FGD2: variants seen among roughly 807,000 people sequenced by gnomAD.
FGD2 encodes the protein FYVE, RhoGEF and PH domain containing 2.
In FGD2, 52 loss-of-function variants were observed where a neutral mutation model predicts 75.9. That is an observed-to-expected ratio of 0.69 (90% CI 0.55 to 0.86). FGD2 has a LOEUF of 0.86. Ranked by LOEUF, FGD2 falls within the 40% of genes least tolerant of loss-of-function variation. The pLI is 0.00. For missense variants in FGD2, 790 were observed against 872.0 expected, an observed-to-expected ratio of 0.91 and a Z score of 1.18; for synonymous variants, 347 against 348.6, an observed-to-expected ratio of 1.00 and a Z score of 0.05.
At position 37,009,066 on chromosome 6, in the gene FGD2, G is replaced by A. The variant is rs776561904; in HGVS notation, c.300+1G>A. The stretch of plus-strand genomic sequence containing the variant: ...GACCCTCTCAGGATCGGGGACGCAG[G>A]TGCCTGAGGGCTGAGGTAGAGGTGT... On this transcript the variant is annotated splice_donor_variant, in intron 2 of 15. Transcript: ENST00000274963. LOFTEE classifies it high-confidence loss of function. 1.7e-5 allele frequency: 27 copies of A among 1,613,490 alleles called. No homozygotes were observed. In the East Asian group the frequency reaches 5.6e-4, roughly 33 times the overall value.
chr6:37,006,842 C>T (rs1187758309), intron 1 of FGD2, among the ~76,000 whole-genome samples: 2 of 152,126 alleles, frequency 1.3e-5, no homozygotes, highest in East Asian at 1.9e-4. Flanking sequence ...AACTGCAGTG[C>T]ACCTGCCACA....
rs922072440 is a variant in FGD2, at chr6:37,011,130, C to G, written c.378+80C>G. The G allele has an allele frequency of 3.0e-6, 4 of 1,351,632 alleles. No homozygotes were observed. The African/African-American group carries it at 5.8e-5, about 20-fold the overall frequency. 83.7% of individuals were successfully genotyped at this position (1,351,632 alleles called of 1,614,324 possible). A position where few individuals can be genotyped will look rare whatever the true frequency, so the allele number is the denominator to read the frequency against. On this transcript the variant is annotated intron_variant, in intron 3 of 15. Coordinates refer to ENST00000274963, the MANE Select transcript of FGD2 (RefSeq NM_173558.4). ...ACCCCTTCTCAGCCTTCCCACCCTG[C>G]TCACCAGAGCTGAGTCAGGAGCCCT...
chr6:37,028,153 T>A lies in FGD2; in HGVS notation c.1958T>A (p.Leu653Gln). ...CCCAGCTGGCCCAACGATGGGGACCTGTCCGACTGAGCCACTGCCAGCCGC... is the reference window on the plus strand; with the variant it reads ...CCCAGCTGGCCCAACGATGGGGACCAGTCCGACTGAGCCACTGCCAGCCGC... Reference protein sequence around the residue: ...WSPSWPNDGDLSD With the variant: ...WSPSWPNDGDQSD The change falls in exon 16 of 16, where the codon CTG becomes CAG. Residue 653 changes from leucine (L) to glutamine (Q), a missense_variant. By Grantham distance (113) the Leu-to-Gln change is moderately radical. Transcript: ENST00000274963. 1 of 1,584,784 alleles carries A rather than the reference T, an allele frequency of 6.3e-7. No homozygotes were observed. The highest frequency in any genetic ancestry group is 8.6e-7 in the Non-Finnish European group (1 of 1,164,540).
chr6:37,028,361 C>G lies in FGD2; in HGVS notation c.*198C>G, dbSNP rs1765930757. On this transcript the variant is annotated 3_prime_UTR_variant, in exon 16 of 16. Transcript: ENST00000274963. ...CATTCCTTTCTAGAAAGGGGACAAC[C>G]AAGTGTCTCAGTTTGCCTTGCGGGG... is the stretch of plus-strand genomic sequence containing the variant. 1 of 553,138 alleles carries G rather than the reference C, an allele frequency of 1.8e-6. No individual in the cohort carries two copies. Among genetic ancestry groups the G allele is most frequent in the Admixed American group, 3.3e-5 (1 of 30,602 alleles). The allele number at this position is 553,138 out of a possible 1,614,324, so 34.3% of individuals were successfully genotyped here. A position where few individuals can be genotyped will look rare whatever the true frequency, so the allele number is the denominator to read the frequency against.
Position 37,027,723 on chromosome 6 carries a change from G to A in FGD2, c.1752+148G>A, listed in dbSNP as rs1056666949. The A allele has an allele frequency of 6.8e-6, 8 of 1,174,656 alleles. No homozygotes were observed. The African/African-American group carries it at 1.1e-4, about 16-fold the overall frequency. The allele number at this position is 1,174,656 out of a possible 1,614,324, so 72.8% of individuals were successfully genotyped here. ...GGATATGGTATCCTGGAGTCTCAAG[G>A]TTGGTAGGTTTCAGAATTGTGCCCT... On this transcript the variant is annotated intron_variant, in intron 15 of 15. Coordinates refer to ENST00000274963, the MANE Select transcript of FGD2 (RefSeq NM_173558.4).
intron 14 of FGD2, among the ~76,000 whole-genome samples, chr6:37,027,095 C>T (rs1765861901): frequency 6.6e-6 from 1 of 152,174 alleles, no homozygotes; most frequent in African/African-American, 2.4e-5. Context: ...CCCCTGACCA[C>T]TAGGCAACAC....
Position 37,028,807 on chromosome 6 carries a change from C to T in FGD2, c.*644C>T, listed in dbSNP as rs546706103. 3 of 151,916 alleles carry T rather than the reference C, an allele frequency of 2.0e-5. No homozygotes were observed. The highest frequency in any genetic ancestry group is 7.2e-5 in the African/African-American group (3 of 41,390). 9.4% of individuals were successfully genotyped at this position (151,916 alleles called of 1,614,324 possible). On this transcript the variant is annotated 3_prime_UTR_variant, in exon 16 of 16. Coordinates refer to ENST00000274963, the MANE Select transcript of FGD2 (RefSeq NM_173558.4). ...TATTTTTTGTAGAGATGGGATTTCACCATGTTACTCAGGCTGGTCTCAAAC... is the reference window on the plus strand; with the variant it reads ...TATTTTTTGTAGAGATGGGATTTCATCATGTTACTCAGGCTGGTCTCAAAC...
In FGD2 at chr6:37,028,197, C is replaced by T. The variant is rs1201486505; in HGVS notation, c.*34C>T. The T allele has an allele frequency of 6.7e-7, 1 of 1,489,262 alleles. No individual in the cohort carries two copies. 92.3% of individuals were successfully genotyped at this position (1,489,262 alleles called of 1,614,324 possible). A position where few individuals can be genotyped will look rare whatever the true frequency, so the allele number is the denominator to read the frequency against. On this transcript the variant is annotated 3_prime_UTR_variant, in exon 16 of 16. Transcript: ENST00000274963. ...CAGCCGCTCTCCTGCCCACCTCTCCCCACCCTGAACCCAGCTCCTGCCACA... is the reference window on the plus strand; with the variant it reads ...CAGCCGCTCTCCTGCCCACCTCTCCTCACCCTGAACCCAGCTCCTGCCACA...
At chr6:37,014,771 T>C in intron 7 of FGD2, 67 bp downstream of exon 7, 1 of 1,611,068 alleles carries the variant, frequency 6.2e-7, no homozygotes. Context: ...GTCCCACCCA[T>C]GACACCTATC....
intron 13 of FGD2, chr6:37,022,578 G>T: frequency 1.6e-6 from 1 of 638,162 alleles, no homozygotes; most frequent in Non-Finnish European, 2.4e-6. Flanking sequence ...TCCTACCTAG[G>T]CTTCCACTTG....
At position 37,015,868 on chromosome 6, in the gene FGD2, GC is replaced by G; in HGVS notation, c.1122+13del. ...GATGTGGCCGGGATGAAGGTAAGAG[GC>G]CCCCTAAACACCACTGGGCTCCACC... is the stretch of plus-strand genomic sequence containing the variant. On this transcript the variant is annotated intron_variant, in intron 9 of 15. Transcript: ENST00000274963. 1.3e-6 allele frequency: 2 copies of G among 1,568,032 alleles called. No homozygotes were observed. The highest frequency in any genetic ancestry group is 1.7e-6 in the Non-Finnish European group (2 of 1,156,060).
chr6:37,026,930 C>T (rs1407243249), intron 14 of FGD2, among the ~76,000 whole-genome samples: 1 of 152,022 alleles, frequency 6.6e-6, no homozygotes, highest in Non-Finnish European at 1.5e-5. Flanking sequence ...ATCTCTTGAA[C>T]CCGGGAGGTG....
At chr6:37,025,612 G>A (rs561491003) in intron 13 of FGD2, 180 bp from the exon 14 acceptor site, 2 of 636,218 alleles carry the variant, frequency 3.1e-6, no homozygotes, top group African/African-American at 1.8e-5. Context: ...GCAGCCTCCA[G>A]GCAGTTGGGC....
chr6:37,006,702 G>A (rs142898755), intron 1 of FGD2, among the ~76,000 whole-genome samples: 1 of 152,284 alleles, frequency 6.6e-6, no homozygotes, highest in African/African-American at 2.4e-5. Flanking sequence ...TGTGTTAGGG[G>A]CTGTCCCAGG....
In FGD2 at chr6:37,020,569, C is replaced by T; in HGVS notation, c.1151C>T (p.Pro384Leu). 6.2e-7 allele frequency: 1 copy of T among 1,608,558 alleles called. No homozygotes were observed. Among genetic ancestry groups the T allele is most frequent in the Non-Finnish European group, 8.5e-7 (1 of 1,178,208 alleles). ...CGGGAGCTGATGGATGCTGAGTTTC[C>T]CCACTCCTTCCTGGTGTCCGGGAAG... ...KVRELMDAEF[P>L]HSFLVSGKQR... The change falls in exon 10 of 16, where the codon CCC becomes CTC. Residue 384 changes from proline (P) to leucine (L), a missense_variant. Pro to Leu is a moderately conservative substitution (Grantham distance 98). Transcript: ENST00000274963.
rs779897171 is a variant in FGD2 at position 37,011,030 on chromosome 6, C to T, written c.358C>T (p.Arg120Cys). ...LLETEQAYVA[R>C]LHLLDQVFFQ... ...GGAGACAGAGCAGGCCTATGTGGCG[C>T]GCCTCCACCTGCTAGACCAGGCCAG... The change falls in exon 3 of 16, where the codon CGC (arginine) becomes TGC (cysteine). Residue 120 changes from arginine (R) to cysteine (C), a missense_variant. Arg to Cys is a radical substitution (Grantham distance 180). Transcript: ENST00000274963. 4.1e-5 allele frequency: 66 copies of T among 1,614,018 alleles called. No individual in the cohort carries two copies. Among genetic ancestry groups the T allele is most frequent in the Admixed American group, 5.0e-5 (3 of 60,000 alleles).
chr6:37,008,039 A>G (rs1764832483), intron 1 of FGD2, among the ~76,000 whole-genome samples: 1 of 152,088 alleles, frequency 6.6e-6, no homozygotes, highest in South Asian at 2.1e-4. Context: ...GCCGCATGTT[A>G]CTCATCCTGT....
At position 37,020,646 on chromosome 6, in the gene FGD2, G is replaced by C. The variant is rs766096616; in HGVS notation, c.1202+26G>C. 46 of 1,588,748 alleles carry C rather than the reference G, an allele frequency of 2.9e-5. No homozygotes were observed. The South Asian group carries it at 4.9e-4, about 17-fold the overall frequency. On this transcript the variant is annotated intron_variant, in intron 10 of 15. Transcript: ENST00000274963. ...GTAAAGGAGCTGGGGTGGCGGCCCA[G>C]GGCCAGGCGGGAAAACTGGGAGGGG...
intron 9 of FGD2, among the ~76,000 whole-genome samples, chr6:37,017,209 G>A (rs997669111): frequency 6.6e-6 from 1 of 152,060 alleles, no homozygotes; most frequent in South Asian, 2.1e-4. Context: ...CTGTGCAGAT[G>A]CACCGGAATT....
Sources: gnomAD v4.1 joint callset for allele counts (sites outside exome capture counted in the v4.1 genomes callset) on GRCh38, gnomAD v4.1.1 for gene constraint, MANE v1.5 for transcripts, NCBI Gene and HGNC (gene_info 2026-07-23, HGNC 2026-07-21) for gene names.